The following NR6A1 variants were observed in gnomAD, a reference collection of about 807,000 sequenced individuals.
NR6A1 encodes the protein retinoic acid receptor-related testis-associated receptor.
In NR6A1, 7 loss-of-function variants were observed where a neutral mutation model predicts 59.1. The ratio of observed to expected loss-of-function variants is 0.12; its 90% CI spans 0.07 to 0.22. The LOEUF (loss-of-function observed/expected upper bound fraction) is 0.22. NR6A1 is among the 10% of genes least tolerant of loss of function. The pLI is 1.00. For missense variants in NR6A1, 468 were observed against 611.6 expected (o/e 0.77, Z 2.48); for synonymous variants, 243 against 236.1 (o/e 1.03, Z -0.27).
At chr9:124,532,912 T>C (rs1833141804) in intron 7 of NR6A1, among the ~76,000 whole-genome samples, 1 of 152,192 alleles carries the variant, frequency 6.6e-6, no homozygotes, top group South Asian at 2.1e-4. Context: ...GGTACAGCTT[T>C]AGATCCTCCT....
At chr9:124,623,452 C>G (rs1453590403) in intron 2 of NR6A1, among the ~76,000 whole-genome samples, 2 of 151,780 alleles carry the variant, frequency 1.3e-5, no homozygotes, top group South Asian at 2.1e-4. Context: ...GCCTTGACCT[C>G]GCGGGCTCAA....
intron 2 of NR6A1, among the ~76,000 whole-genome samples, chr9:124,719,492 C>A (rs979258143): frequency 6.6e-6 from 1 of 152,176 alleles, no homozygotes; most frequent in South Asian, 2.1e-4. Context: ...TTTTCCCACA[C>A]TCTCATCATC....
chr9:124,552,212 G>C (rs983600267), intron 3 of NR6A1, among the ~76,000 whole-genome samples: 1 of 152,186 alleles, frequency 6.6e-6, no homozygotes, highest in African/African-American at 2.4e-5. Flanking sequence ...CTCACAGTGA[G>C]GGCAACAAAG....
intron 2 of NR6A1, among the ~76,000 whole-genome samples, chr9:124,666,686 T>C (rs1481534114): frequency 1.3e-5 from 2 of 152,310 alleles, no homozygotes; most frequent in Non-Finnish European, 2.9e-5. Flanking sequence ...TAAGAGCTTC[T>C]AGGTATAGTT....
chr9:124,648,931 A>C (rs1384161367), intron 2 of NR6A1, among the ~76,000 whole-genome samples: 1 of 152,052 alleles, frequency 6.6e-6, no homozygotes, highest in Non-Finnish European at 1.5e-5. Context: ...GAAAACTATA[A>C]AACACTGATG....
intron 2 of NR6A1, among the ~76,000 whole-genome samples, chr9:124,656,260 T>C (rs1021802319): frequency 9.9e-5 from 15 of 152,174 alleles, no homozygotes; most frequent in Non-Finnish European, 1.6e-4. Flanking sequence ...GCTGGTGCCA[T>C]GCTTCTTGTA....
At chr9:124,589,478 A>T (rs1835044714) in intron 2 of NR6A1, among the ~76,000 whole-genome samples, 1 of 152,128 alleles carries the variant, frequency 6.6e-6, no homozygotes, top group South Asian at 2.1e-4. Context: ...AAAAATAAAA[A>T]AAATAAACAT....
chr9:124,769,791 G>T (rs781650768), intron 1 of NR6A1, among the ~76,000 whole-genome samples: 3 of 152,220 alleles, frequency 2.0e-5, no homozygotes, highest in Non-Finnish European at 4.4e-5. Flanking sequence ...TTTGCCGGCC[G>T]GTGCGAGCAC....
chr9:124,648,836 C>G (rs2130917053), intron 2 of NR6A1, among the ~76,000 whole-genome samples: 1 of 151,724 alleles, frequency 6.6e-6, no homozygotes, highest in Middle Eastern at 3.4e-3. Flanking sequence ...ATCAGGAAAG[C>G]AATCCCACTT....
At chr9:124,571,270 T>C (rs529556359) in intron 2 of NR6A1, among the ~76,000 whole-genome samples, 4 of 152,096 alleles carry the variant, frequency 2.6e-5, no homozygotes, top group South Asian at 4.2e-4. Flanking sequence ...TTAGTTGAGG[T>C]AGTGGGAGAT....
intron 3 of NR6A1, among the ~76,000 whole-genome samples, chr9:124,546,365 C>G (rs182536020): frequency 6.6e-6 from 1 of 152,320 alleles, no homozygotes; most frequent in African/African-American, 2.4e-5. Flanking sequence ...AGACTTCTTT[C>G]TACTACTACT....
intron 1 of NR6A1, among the ~76,000 whole-genome samples, chr9:124,738,583 C>A (rs1002236608): frequency 3.9e-5 from 6 of 152,134 alleles, no homozygotes; most frequent in Non-Finnish European, 8.8e-5. Context: ...AAAAAGGACA[C>A]GGGGGCCGGG....
At chr9:124,527,043 A>G in intron 7 of NR6A1, 143 bp from the exon 8 acceptor site, 1 of 987,668 alleles carries the variant, frequency 1.0e-6, no homozygotes, top group Non-Finnish European at 1.5e-6. Context: ...GTACAGGCAG[A>G]TCCATGCTTT....
intron 5 of NR6A1, among the ~76,000 whole-genome samples, chr9:124,539,535 C>T (rs1231637781): frequency 1.3e-5 from 2 of 152,192 alleles, no homozygotes; most frequent in Non-Finnish European, 2.9e-5. Flanking sequence ...ATTTCACACT[C>T]GACAACTAAC....
intron 1 of NR6A1, among the ~76,000 whole-genome samples, chr9:124,750,413 A>G (rs1840462037): frequency 6.6e-6 from 1 of 152,076 alleles, no homozygotes; most frequent in Non-Finnish European, 1.5e-5. Flanking sequence ...AACATCACAA[A>G]TTGGCTTTGG....
intron 2 of NR6A1, among the ~76,000 whole-genome samples, chr9:124,561,048 C>T (rs1248880303): frequency 3.3e-5 from 5 of 152,070 alleles, no homozygotes; most frequent in African/African-American, 1.2e-4. Context: ...AGTCCCAGCA[C>T]TTTGTAAGAG....
intron 6 of NR6A1, 68 bp downstream of exon 6, chr9:124,538,024 A>C (rs1833324420): frequency 7.7e-7 from 1 of 1,302,284 alleles, no homozygotes; most frequent in Non-Finnish European, 1.1e-6. Context: ...GGAGCCAGGG[A>C]CGCGAGTGGG....
rs71372979 is a variant in NR6A1, at chr9:124,630,210, GT to G, written c.143-75641del. 3.1e-3 allele frequency among the ~76,000 whole-genome samples: 297 copies of G among 95,346 alleles called. 1 individual carries two copies. The highest frequency in any genetic ancestry group is 4.8e-3 in the South Asian group (13 of 2,718). The allele number at this position is 95,346 out of a possible 152,430, so 62.6% of individuals were successfully genotyped here. ...TCTGAACTCCAGTTCCTCCAAATCA[GT>G]TTTTTTTTTTTTTTTTTTTTTGAGA... On this transcript the variant is annotated intron_variant, in intron 2 of 9. Coordinates refer to ENST00000487099, the MANE Select transcript of NR6A1 (RefSeq NM_033334.4).
At chr9:124,545,495 G>A (rs1181718741) in intron 3 of NR6A1, among the ~76,000 whole-genome samples, 1 of 152,214 alleles carries the variant, frequency 6.6e-6, no homozygotes, top group African/African-American at 2.4e-5. Context: ...AGAGCTAGAT[G>A]TATGCTGCTT....
Sources: gnomAD v4.1 joint callset for allele counts (sites outside exome capture counted in the v4.1 genomes callset) on GRCh38, gnomAD v4.1.1 for gene constraint, MANE v1.5 for transcripts, NCBI Gene and HGNC (gene_info 2026-07-23, HGNC 2026-07-21) for gene names.